CPT1B: variants seen among roughly 807,000 people sequenced by gnomAD.
CPT1B encodes the protein carnitine palmitoyltransferase 1B.
Under a neutral mutation model 92.7 loss-of-function variants are expected in CPT1B, and 57 were observed. The observed-to-expected ratio is 0.62, with a 90% CI of 0.50 to 0.77. The LOEUF is 0.77. Ranked by LOEUF, CPT1B falls within the 30% of genes least tolerant of loss-of-function variation. The pLI is 0.00. For synonymous variants in CPT1B, 398 were observed against 383.5 expected, an observed-to-expected ratio of 1.04 and a Z score of -0.44; for missense variants, 983 against 1,017.4, an observed-to-expected ratio of 0.97 and a Z score of 0.46.
Position 50,572,137 on chromosome 22 carries a change from TGAGACTGA to T in CPT1B, c.1459-23_1459-16del. The stretch of plus-strand genomic sequence containing the variant: ...CCCAGGACAAACTGCAGGGAGAGGA[TGAGACTGA>T]GAGGCTGGCCTCATCCCCTACAGCC... On this transcript the variant is annotated splice_polypyrimidine_tract_variant and intron_variant, in intron 12 of 19. Coordinates refer to ENST00000312108, the MANE Select transcript of CPT1B (RefSeq NM_152246.3). 5 of 1,613,604 alleles carry T rather than the reference TGAGACTGA, an allele frequency of 3.1e-6. No individual in the cohort carries two copies. Among genetic ancestry groups the T allele is most frequent in the Non-Finnish European group, 4.2e-6 (5 of 1,179,556 alleles).
rs76233096 is a variant in CPT1B, at chr22:50,574,425, G to A, written c.886-6C>T. 0.03 allele frequency: 47,772 copies of A among 1,613,850 alleles called. 954 individuals carry two copies. The highest frequency in any genetic ancestry group is 0.066 in the South Asian group (5,999 of 91,066). On this transcript the variant is annotated splice_region_variant and splice_polypyrimidine_tract_variant and intron_variant, in intron 8 of 19. Coordinates refer to ENST00000312108, the MANE Select transcript of CPT1B (RefSeq NM_152246.3). ...ACTATGCCCAGTGCCATCACCTGAG[G>A]GAAGGCCCAGCATGGCTCAGACTCA...
chr22:50,572,996 C>T lies in CPT1B; in HGVS notation c.1231G>A (p.Ala411Thr), dbSNP rs2146622766. The T allele has an allele frequency of 6.2e-7, 1 of 1,613,510 alleles. No individual in the cohort carries two copies. The highest frequency in any genetic ancestry group is 8.5e-7 in the Non-Finnish European group (1 of 1,179,776). ...ACGAAGAAAGCGGCACGCTCGATGG[C>T]CTCCAAGGCAGCCTTATTCTTTCCA... ...SSGKNKAALE[A>T]IERAAFFVAL... The change falls in exon 11 of 20, where the codon GCC (alanine) becomes ACC (threonine). Residue 411 changes from alanine to threonine, a missense_variant. Physicochemically the swap from Ala to Thr is moderately conservative, Grantham distance 58 (BLOSUM62 0). Transcript: ENST00000312108.
At chr22:50,571,683 G>A (rs5770907) in intron 13 of CPT1B, 144 bp from the exon 14 acceptor site, 234,807 of 933,640 alleles carry the variant, frequency 0.25, 39,422 homozygotes, top group African/African-American at 0.64. Context: ...GCAAAAGACA[G>A]TCTGAGGGAG....
At position 50,573,528 on chromosome 22, in the gene CPT1B, T is replaced by C; in HGVS notation, c.1158A>G (p.Ala386=). ...PGEEKLAALT[A]GGRVEWAQAR... The stretch of plus-strand genomic sequence containing the variant: ...TTCCTAGAGGCCAATACCTTCCTCC[T>C]GCAGTGAGGGCTGCCAGCTTCTCCT... Residue 386 remains alanine (A), a synonymous_variant, in exon 10 of 20, where the codon GCA becomes GCG. Coordinates refer to ENST00000312108, the MANE Select transcript of CPT1B (RefSeq NM_152246.3). This position sits in a 1 kb window ranked among gnomAD's most constrained non-coding sequence, Gnocchi z 5.0. 2 of 1,610,172 alleles carry C rather than the reference T, an allele frequency of 1.2e-6. No individual in the cohort carries two copies. The highest frequency in any genetic ancestry group is 1.7e-6 in the Non-Finnish European group (2 of 1,177,964).
chr22:50,573,725 A>G lies in CPT1B; in HGVS notation c.971-10T>C. 1 of 1,609,144 alleles carries G rather than the reference A, an allele frequency of 6.2e-7. No individual in the cohort carries two copies. The highest frequency in any genetic ancestry group is 8.5e-7 in the Non-Finnish European group (1 of 1,177,708). On this transcript the variant is annotated splice_polypyrimidine_tract_variant and intron_variant, in intron 9 of 19. Coordinates refer to ENST00000312108, the MANE Select transcript of CPT1B (RefSeq NM_152246.3). This position sits in a 1 kb window ranked among gnomAD's most constrained non-coding sequence, Gnocchi z 5.0. ...AGGTGCTGTAGCACATCTGTGATAC[A>G]GGCCACGGGCAAGCTGAGGCGGGGC...
chr22:50,574,793 C>T, intron 7 of CPT1B, 193 bp from the exon 8 acceptor site: 1 of 582,154 alleles, frequency 1.7e-6, no homozygotes, highest in South Asian at 2.0e-5. Context: ...CCAGCTTCAG[C>T]CTGAGCTGCT....
At chr22:50,574,626 T>TG in intron 7 of CPT1B, 26 bp from the exon 8 acceptor site, 1 of 1,597,186 alleles carries the variant, frequency 6.3e-7, no homozygotes, top group Non-Finnish European at 8.6e-7. Flanking sequence ...GCCCGCGGGG[T>TG]GGGGGCCTCT....
At chr22:50,569,881 C>T (rs993057105) in intron 17 of CPT1B, among the ~76,000 whole-genome samples, 3 of 152,186 alleles carry the variant, frequency 2.0e-5, no homozygotes, top group Non-Finnish European at 4.4e-5. Flanking sequence ...CCCAGTTTCC[C>T]TCAGGGGGCT....
In CPT1B at chr22:50,576,132, T is replaced by C. The variant is rs2070420972; in HGVS notation, c.700-20A>G. The C allele has an allele frequency of 6.2e-7, 1 of 1,613,866 alleles. No individual in the cohort carries two copies. The highest frequency in any genetic ancestry group is 8.5e-7 in the Non-Finnish European group (1 of 1,179,994). ...ACTCACCTGTGGGGAGGTGGAAGGT[T>C]AGAGCTGGGGCGGGTGCAGCCAGGA... On this transcript the variant is annotated intron_variant, in intron 6 of 19. Coordinates refer to ENST00000312108, the MANE Select transcript of CPT1B (RefSeq NM_152246.3).
intron 2 of CPT1B, 140 bp from the exon 3 acceptor site, chr22:50,577,603 C>G (rs1226279858): frequency 2.1e-6 from 3 of 1,402,088 alleles, no homozygotes; most frequent in Non-Finnish European, 2.9e-6. Flanking sequence ...CTCCGCCACA[C>G]CCACAGCTCC....
Position 50,571,240 on chromosome 22 carries a change from C to T in CPT1B, c.1793G>A (p.Arg598Gln), listed in dbSNP as rs745866439. 1.9e-5 allele frequency: 31 copies of T among 1,613,938 alleles called. No individual in the cohort carries two copies. The highest frequency in any genetic ancestry group is 5.5e-5 in the South Asian group (5 of 91,076). ...TYEASMTRMF[R>Q]EGRTETVRSC... ...ACGCACAGTCTCAGTCCGTCCCTCC[C>T]GGAACATTCTGGTCATTGAGGCCTC... Residue 598 changes from arginine to glutamine, a missense_variant, in exon 15 of 20, where the codon CGG becomes CAG. Arg to Gln is a conservative substitution (Grantham distance 43, BLOSUM62 1). Transcript: ENST00000312108.
Position 50,572,998 on chromosome 22 carries a change from TC to T in CPT1B, c.1228del (p.Glu410ArgfsTer178), listed in dbSNP as rs2070253309. 1 of 1,613,358 alleles carries T rather than the reference TC, an allele frequency of 6.2e-7. No individual in the cohort carries two copies. The highest frequency in any genetic ancestry group is 8.5e-7 in the Non-Finnish European group (1 of 1,179,734). ...GAAGAAAGCGGCACGCTCGATGGCC[TC>T]CAAGGCAGCCTTATTCTTTCCAGAG... The part of the protein sequence containing the change: ...FSSGKNKAAL[E>X]AIERAAFFVA... On this transcript the variant is annotated frameshift_variant, in exon 11 of 20. Transcript: ENST00000312108. LOFTEE classifies it high-confidence loss of function.
chr22:50,569,751 C>T, intron 17 of CPT1B, 83 bp from the exon 18 acceptor site: 1 of 1,217,004 alleles, frequency 8.2e-7, no homozygotes, highest in Non-Finnish European at 1.2e-6. Context: ...CTTGTTCTTC[C>T]CACAAGAGTT....
chr22:50,571,674 C>A, intron 13 of CPT1B, 135 bp from the exon 14 acceptor site: 1 of 1,017,134 alleles, frequency 9.8e-7, no homozygotes, highest in Non-Finnish European at 1.4e-6. Flanking sequence ...GGAGGGTACG[C>A]AAAAGACAGT....
intron 17 of CPT1B, among the ~76,000 whole-genome samples, 163 bp downstream of exon 17, chr22:50,570,130 C>T (rs975804425): frequency 1.3e-5 from 2 of 152,214 alleles, no homozygotes; most frequent in Admixed American, 1.3e-4. Flanking sequence ...AGGTGCTTGG[C>T]TGCCTGAGTC....
At position 50,569,631 on chromosome 22, in the gene CPT1B, G is replaced by A; in HGVS notation, c.2180C>T (p.Ala727Val). Reference protein sequence around the residue: ...DDGYGVSYMIAGENTIFFHIS... With the variant: ...DDGYGVSYMIVGENTIFFHIS... ...GTGGAAGAAGATCGTGTTCTCGCCT[G>A]CAATCATGTAGGAAACTCCATAGCC... Residue 727 changes from alanine (A) to valine (V), a missense_variant, in exon 18 of 20, where the codon GCA (alanine) becomes GTA (valine). Physicochemically the swap from Ala to Val is moderately conservative, Grantham distance 64 (BLOSUM62 0). Coordinates refer to ENST00000312108, the MANE Select transcript of CPT1B (RefSeq NM_152246.3). 5 of 1,614,038 alleles carry A rather than the reference G, an allele frequency of 3.1e-6. No individual in the cohort carries two copies. The highest frequency in any genetic ancestry group is 4.2e-6 in the Non-Finnish European group (5 of 1,180,002).
chr22:50,578,015 C>T lies in CPT1B; in HGVS notation c.-19-81G>A, dbSNP rs568680548. ...CGCGCCGAGACGCCCCCAGCCAGTC[C>T]GCGACCCCTCGCGCCCCCCACCCCG... On this transcript the variant is annotated intron_variant, in intron 1 of 19. Coordinates refer to ENST00000312108, the MANE Select transcript of CPT1B (RefSeq NM_152246.3). The T allele has an allele frequency of 3.2e-6, 3 of 930,474 alleles. No individual in the cohort carries two copies. The East Asian group carries it at 1.3e-4, about 40-fold the overall frequency. 57.6% of individuals were successfully genotyped at this position (930,474 alleles called of 1,614,324 possible).
chr22:50,570,082 A>C (rs577643552), intron 17 of CPT1B, among the ~76,000 whole-genome samples: 1 of 152,330 alleles, frequency 6.6e-6, no homozygotes, highest in African/African-American at 2.4e-5. Context: ...AACCACGGTC[A>C]TGCTTCAGCA....
At chr22:50,571,609 G>C in intron 13 of CPT1B, 70 bp from the exon 14 acceptor site, 1 of 1,536,880 alleles carries the variant, frequency 6.5e-7, no homozygotes, top group Non-Finnish European at 8.8e-7. Flanking sequence ...ATGTCTAGGA[G>C]GCATGACGTT....
Sources: allele counts gnomAD v4.1 joint callset (sites outside exome capture counted in the v4.1 genomes callset), GRCh38; gene constraint gnomAD v4.1.1; non-coding constraint Gnocchi (gnomAD v3.1); transcripts MANE v1.5; gene names NCBI Gene and HGNC (gene_info 2026-07-23, HGNC 2026-07-21).